Variants in ATP7B observed in about 807,000 individuals in gnomAD.
ATP7B encodes the protein ATPase copper transporting beta.
ATP7B carries 113 observed loss-of-function variants against 118.9 expected under a neutral mutation model. The ratio of observed to expected loss-of-function variants is 0.95; its 90% CI spans 0.82 to 1.11. The LOEUF (loss-of-function observed/expected upper bound fraction) is 1.11, where lower values mean the gene tolerates loss of function less well. Ranked by LOEUF, ATP7B falls within the 50% of genes most tolerant of loss-of-function variation. ATP7B has a pLI of 0.00. For synonymous variants in ATP7B, 777 were observed against 727.4 expected (o/e 1.07, Z -1.10); for missense variants, 1,867 against 1,871.4 (o/e 1.00, Z 0.04).
intron 17 of ATP7B, among the ~76,000 whole-genome samples, chr13:51,938,280 T>C (rs562538212): frequency 2.6e-5 from 4 of 152,330 alleles, no homozygotes; most frequent in African/African-American, 7.2e-5. Context: ...ACACAGTCAC[T>C]GGTCCACCTT....
At chr13:51,987,675 A>G (rs1952722344) in intron 1 of ATP7B, among the ~76,000 whole-genome samples, 1 of 152,240 alleles carries the variant, frequency 6.6e-6, no homozygotes, top group Admixed American at 6.5e-5. Context: ...CTACAAGGCT[A>G]TAGTAACCAA....
chr13:51,967,119 C>T (rs1289234813), intron 4 of ATP7B: 2 of 1,592,282 alleles, frequency 1.3e-6, no homozygotes. Flanking sequence ...ACAATGTCAC[C>T]TGTACTCGGA....
In ATP7B at chr13:51,970,578, G is replaced by A. The variant is rs745998701; in HGVS notation, c.1457C>T (p.Ala486Val). The A allele has an allele frequency of 8.1e-6, 13 of 1,614,036 alleles. No individual in the cohort carries two copies. Reference sequence around the variant, plus strand: ...GATCTGTAAGAAGCACTTCTGCGGTGCCACTGCTCTGGTTGATTGTGGGGA... The same window carrying A: ...GATCTGTAAGAAGCACTTCTGCGGTACCACTGCTCTGGTTGATTGTGGGGA... ...AKSPQSTRAV[A>V]PQKCFLQIKG... is the part of the protein sequence containing the mutation. The change falls in exon 3 of 21, where the codon GCA becomes GTA. Residue 486 changes from alanine to valine, a missense_variant. Coordinates refer to ENST00000242839, the MANE Select transcript of ATP7B (RefSeq NM_000053.4).
rs774311398 is a variant in ATP7B at position 51,974,008 on chromosome 13, A to T, written c.1212T>A (p.Asn404Lys). 3 of 1,614,226 alleles carry T rather than the reference A, an allele frequency of 1.9e-6. No homozygotes were observed. The highest frequency in any genetic ancestry group is 2.5e-6 in the Non-Finnish European group (3 of 1,180,036). The change falls in exon 2 of 21, where the codon AAT becomes AAA. Residue 404 changes from asparagine (N) to lysine (K), a missense_variant. Physicochemically the swap from Asn to Lys is moderately conservative, Grantham distance 94 (BLOSUM62 0). Coordinates refer to ENST00000242839, the MANE Select transcript of ATP7B (RefSeq NM_000053.4). ...GTTCTTCTGGGCTAATTACAGAGGG[A>T]TTATAAAGAACTGTTGCAGTCCCTT... is the stretch of plus-strand genomic sequence containing the variant. Reference protein sequence around the residue: ...LAEGTATVLYNPSVISPEELR... With the variant: ...LAEGTATVLYKPSVISPEELR...
chr13:51,937,431 C>A, intron 18 of ATP7B, 38 bp from the exon 19 acceptor site: 4 of 1,614,148 alleles, frequency 2.5e-6, no homozygotes, highest in Non-Finnish European at 3.4e-6. Context: ...AGGGGTCTGC[C>A]CATTGCCCTC....
intron 1 of ATP7B, among the ~76,000 whole-genome samples, chr13:51,980,251 C>T (rs558971557): frequency 2.3e-4 from 35 of 152,326 alleles, no homozygotes; most frequent in African/African-American, 8.2e-4. Context: ...AGATTCTGCA[C>T]TCCTTACGGA....
At chr13:52,000,290 C>A (rs561610927) in intron 1 of ATP7B, among the ~76,000 whole-genome samples, 2 of 152,346 alleles carry the variant, frequency 1.3e-5, no homozygotes, top group East Asian at 1.9e-4. Context: ...GAAGGCTGTT[C>A]TTTGCTTCAC....
intron 1 of ATP7B, among the ~76,000 whole-genome samples, chr13:51,980,628 G>T (rs1334175965): frequency 6.6e-6 from 1 of 152,196 alleles, no homozygotes; most frequent in Non-Finnish European, 1.5e-5. Context: ...ATCTGATAGT[G>T]AAAAAGCAGA....
intron 12 of ATP7B, among the ~76,000 whole-genome samples, chr13:51,948,919 C>A (rs1217070007): frequency 1.3e-5 from 2 of 152,134 alleles, no homozygotes; most frequent in African/African-American, 4.8e-5. Flanking sequence ...GTGGCTCACA[C>A]CTGAAATCCC....
In ATP7B at chr13:51,960,252, T is replaced by C; in HGVS notation, c.2017A>G (p.Ile673Val). The C allele has an allele frequency of 1.2e-6, 2 of 1,613,902 alleles. No homozygotes were observed. Among genetic ancestry groups the C allele is most frequent in the Non-Finnish European group, 1.7e-6 (2 of 1,179,832 alleles). The change falls in exon 7 of 21, where the codon ATA becomes GTA. Residue 673 changes from isoleucine to valine, a missense_variant. By Grantham distance (29) the Ile-to-Val change is conservative. Transcript: ENST00000242839. ...GACTGGTGGGGCTCGTTGCTGGGTA[T>C]CAGCATATAGATCATTAAGGCCATG... ...PVMALMIYML[I>V]PSNEPHQSMV... is the part of the protein sequence containing the mutation.
intron 1 of ATP7B, among the ~76,000 whole-genome samples, chr13:52,008,534 C>T (rs1953882550): frequency 6.6e-6 from 1 of 151,970 alleles, no homozygotes; most frequent in African/African-American, 2.4e-5. Context: ...TATCAAGAGC[C>T]CTCTCATTAA....
At chr13:51,991,705 G>A (rs1348262991) in intron 1 of ATP7B, among the ~76,000 whole-genome samples, 1 of 152,198 alleles carries the variant, frequency 6.6e-6, no homozygotes, top group Non-Finnish European at 1.5e-5. Flanking sequence ...GAGAGCCTCA[G>A]TGGCAGGCAC....
At chr13:51,969,595 G>GA (rs1382953005) in intron 3 of ATP7B, among the ~76,000 whole-genome samples, 1 of 152,020 alleles carries the variant, frequency 6.6e-6, no homozygotes, top group Non-Finnish European at 1.5e-5. Flanking sequence ...TTTTACATGG[G>GA]AAAAAAAGCC....
intron 1 of ATP7B, among the ~76,000 whole-genome samples, chr13:51,992,851 G>A (rs1360320337): frequency 6.6e-6 from 1 of 151,638 alleles, no homozygotes; most frequent in Non-Finnish European, 1.5e-5. Context: ...GGTGTCAGGT[G>A]CCTGTAGTCC....
Position 51,974,142 on chromosome 13 carries a change from T to C in ATP7B, c.1078A>G (p.Thr360Ala). ...ATGCCGGCAATGGCAATCAGAGTGGTACTGCATGTGCCCTGGACCTGGTTT... is the reference window on the plus strand; with the variant it reads ...ATGCCGGCAATGGCAATCAGAGTGGCACTGCATGTGCCCTGGACCTGGTTT... ...PRNQVQGTCS[T>A]TLIAIAGMTC... The change falls in exon 2 of 21, where the codon ACC (threonine) becomes GCC (alanine). Residue 360 changes from threonine to alanine, a missense_variant. By Grantham distance (58) the Thr-to-Ala change is moderately conservative (BLOSUM62 0). Coordinates refer to ENST00000242839, the MANE Select transcript of ATP7B (RefSeq NM_000053.4). The C allele has an allele frequency of 6.2e-7, 1 of 1,613,812 alleles. No individual in the cohort carries two copies.
rs531487054 is a variant in ATP7B at position 51,935,698 on chromosome 13, G to A, written c.4022-3C>T. 5.0e-6 allele frequency: 8 copies of A among 1,610,448 alleles called. No individual in the cohort carries two copies. The African/African-American group carries it at 1.1e-4, about 21-fold the overall frequency. On this transcript the variant is annotated splice_region_variant and splice_polypyrimidine_tract_variant and intron_variant, in intron 19 of 20. Transcript: ENST00000242839. ...AATGCCGATGGGCATGAAGACACCT[G>A]GGGAAGAAAGAACTCGCACTCACAC...
chr13:52,012,066 A>C, upstream of ATP7B: 1 of 477,986 alleles, frequency 2.1e-6, no homozygotes, highest in Non-Finnish European at 3.8e-6. Context: ...ATGGCCTCCA[A>C]CGGGCGGCGG....
intron 1 of ATP7B, among the ~76,000 whole-genome samples, chr13:52,000,891 A>T (rs940515485): frequency 1.3e-5 from 2 of 152,140 alleles, no homozygotes; most frequent in African/African-American, 4.8e-5. Flanking sequence ...ATGGTGGTGC[A>T]CACTTGTAGT....
chr13:51,994,301 G>GAAA (rs1243169670), intron 1 of ATP7B, among the ~76,000 whole-genome samples: 1 of 152,128 alleles, frequency 6.6e-6, no homozygotes, highest in East Asian at 1.9e-4. Context: ...AGAAAACAAA[G>GAAA]TAATTAAAAT....
Sources: allele counts gnomAD v4.1 joint callset (sites outside exome capture counted in the v4.1 genomes callset), GRCh38; gene constraint gnomAD v4.1.1; transcripts MANE v1.5; gene names NCBI Gene and HGNC (gene_info 2026-07-23, HGNC 2026-07-21).